EYS: variants seen among roughly 807,000 people sequenced by gnomAD.
EYS encodes the protein protein eyes shut homolog.
In EYS, 250 loss-of-function variants were observed where a neutral mutation model predicts 282.1. That is an observed-to-expected ratio of 0.89 (90% CI 0.80 to 0.98). The LOEUF (loss-of-function observed/expected upper bound fraction) is 0.98, where lower values mean the gene tolerates loss of function less well. EYS is among the 50% of genes least tolerant of loss of function. The pLI is 0.00. For missense variants in EYS, 4,016 were observed against 3,709.0 expected (o/e 1.08, Z -2.15); for synonymous variants, 1,355 against 1,282.9 (o/e 1.06, Z -1.20).
intron 22 of EYS, among the ~76,000 whole-genome samples, chr6:64,653,153 T>C (rs2149879888): frequency 6.6e-6 from 1 of 152,152 alleles, no homozygotes; most frequent in East Asian, 1.9e-4. Flanking sequence ...AAGGGAAGAC[T>C]ATCTGGACAC....
Position 64,066,481 on chromosome 6 carries a change from A to G in EYS, c.6582T>C (p.Asn2194=), listed in dbSNP as rs765847813. 1.3e-6 allele frequency: 2 copies of G among 1,535,488 alleles called. No individual in the cohort carries two copies. ...AATGAAGAAACTGCTTTCCACAATTATTCCCATTACCTTTAAGAAAAAAAG... is the reference window on the plus strand; with the variant it reads ...AATGAAGAAACTGCTTTCCACAATTGTTCCCATTACCTTTAAGAAAAAAAG... The part of the protein sequence containing the change: ...LNGTILYSNG[N]NCGKQFLHLF... The change falls in exon 33 of 43, where the codon AAT becomes AAC. Residue 2194 remains asparagine, a synonymous_variant. Coordinates refer to ENST00000503581, the MANE Select transcript of EYS (RefSeq NM_001142800.2).
At chr6:65,647,186 A>G (rs1366673811) in intron 1 of EYS, among the ~76,000 whole-genome samples, 2 of 152,200 alleles carry the variant, frequency 1.3e-5, no homozygotes, top group Admixed American at 6.5e-5. Flanking sequence ...ATACGGAACT[A>G]AAACAGAGGC....
chr6:65,435,274 T>C (rs1218463933), intron 5 of EYS, among the ~76,000 whole-genome samples: 4 of 152,008 alleles, frequency 2.6e-5, no homozygotes, highest in Non-Finnish European at 5.9e-5. Flanking sequence ...TTATTTATGA[T>C]GATAAAGCCT....
chr6:65,635,044 T>G (rs1767039401), intron 2 of EYS, among the ~76,000 whole-genome samples: 1 of 152,226 alleles, frequency 6.6e-6, no homozygotes. Context: ...ACTGATCTAG[T>G]TTCAGGACTA....
intron 35 of EYS, among the ~76,000 whole-genome samples, chr6:63,969,064 C>A (rs554000651): frequency 1.3e-5 from 2 of 152,166 alleles, no homozygotes; most frequent in African/African-American, 4.8e-5. Flanking sequence ...TGTTGTTTTT[C>A]TGAGTGTTTT....
rs140879689 is a variant in EYS at position 65,371,708 on chromosome 6, CCTCT to C, written c.1299+12674_1299+12677del. ...CTTCAAATTCCTCTCTCTCTCTCTC[CCTCT>C]CTCTCTCTCTCTCTCTCTCTCTCTC... On this transcript the variant is annotated intron_variant, in intron 8 of 42. Coordinates refer to ENST00000503581, the MANE Select transcript of EYS (RefSeq NM_001142800.2). Among the ~76,000 whole-genome samples the C allele has an allele frequency of 4.8e-3, 567 of 119,060 alleles. 5 individuals are homozygous for C. The highest frequency in any genetic ancestry group is 0.011 in the African/African-American group (325 of 28,402). The allele number at this position is 119,060 out of a possible 152,430, so 78.1% of individuals were successfully genotyped here.
intron 33 of EYS, among the ~76,000 whole-genome samples, chr6:64,018,373 G>A (rs970425716): frequency 5.9e-5 from 9 of 152,078 alleles, no homozygotes; most frequent in African/African-American, 1.9e-4. Context: ...TTTTGTTGTT[G>A]TTGTTGTTTG....
chr6:65,423,947 C>G (rs1414768200), intron 5 of EYS, among the ~76,000 whole-genome samples: 2 of 151,844 alleles, frequency 1.3e-5, no homozygotes, highest in Non-Finnish European at 2.9e-5. Context: ...CTTTTCAATT[C>G]CTTTCAGTTG....
intron 31 of EYS, among the ~76,000 whole-genome samples, chr6:64,146,958 G>A (rs1774538952): frequency 6.6e-6 from 1 of 152,166 alleles, no homozygotes; most frequent in South Asian, 2.1e-4. Context: ...TCAGTTGCCT[G>A]AGATTGCATG....
intron 22 of EYS, among the ~76,000 whole-genome samples, chr6:64,712,405 A>G (rs1471769297): frequency 6.6e-6 from 1 of 152,184 alleles, no homozygotes; most frequent in Non-Finnish European, 1.5e-5. Flanking sequence ...TGTGAAAATG[A>G]TTTGATTGTG....
rs539655593 is a variant in EYS, at chr6:64,412,154, A to G, written c.5928-23314T>C. Among the ~76,000 whole-genome samples the G allele has an allele frequency of 5.9e-5, 9 of 152,026 alleles. No homozygotes were observed. In the East Asian group the frequency reaches 1.5e-3, roughly 26 times the overall value. On this transcript the variant is annotated intron_variant, in intron 28 of 42. Coordinates refer to ENST00000503581, the MANE Select transcript of EYS (RefSeq NM_001142800.2). ...CCAATAAAATGTAATTAAAATCTAT[A>G]TATCAAAATTTTGCCTATACACAGA... is the stretch of plus-strand genomic sequence containing the variant.
chr6:64,873,722 G>A (rs1766662456), intron 19 of EYS, among the ~76,000 whole-genome samples: 1 of 151,776 alleles, frequency 6.6e-6, no homozygotes, highest in Admixed American at 6.6e-5. Context: ...CAGTTAGTGG[G>A]GAGATGGATA....
At chr6:64,295,284 T>C (rs534305848) in intron 30 of EYS, among the ~76,000 whole-genome samples, 36 of 133,072 alleles carry the variant, frequency 2.7e-4, no homozygotes, top group Non-Finnish European at 5.3e-4. Context: ...TATACATATG[T>C]AACAAACCTG....
chr6:64,782,006 C>T (rs969786381), intron 22 of EYS, among the ~76,000 whole-genome samples: 43 of 152,114 alleles, frequency 2.8e-4, no homozygotes, highest in Admixed American at 1.4e-3. Flanking sequence ...TGCCATTTAA[C>T]TTCTTTGGGC....
At chr6:64,834,389 GA>G (rs1340745398) in intron 19 of EYS, among the ~76,000 whole-genome samples, 23 of 151,644 alleles carry the variant, frequency 1.5e-4, no homozygotes, top group Non-Finnish European at 2.7e-4. Context: ...AGAGCTGCAT[GA>G]AAAAATGGAA....
At chr6:64,545,753 A>G (rs1764838903) in intron 26 of EYS, among the ~76,000 whole-genome samples, 1 of 152,220 alleles carries the variant, frequency 6.6e-6, no homozygotes, top group South Asian at 2.1e-4. Flanking sequence ...CCAAATCATG[A>G]GTGAACTCCC....
At chr6:63,868,953 C>T (rs776867269) in intron 35 of EYS, among the ~76,000 whole-genome samples, 7 of 152,150 alleles carry the variant, frequency 4.6e-5, no homozygotes, top group Non-Finnish European at 7.4e-5. Context: ...CACACCACTA[C>T]GTGTGTCATT....
chr6:64,285,114 A>T (rs1323565245), intron 30 of EYS, among the ~76,000 whole-genome samples: 2 of 152,130 alleles, frequency 1.3e-5, no homozygotes, highest in Non-Finnish European at 2.9e-5. Flanking sequence ...TCATGGTGCA[A>T]AGTTTGTGAA....
intron 26 of EYS, among the ~76,000 whole-genome samples, chr6:64,525,773 T>G (rs890035957): frequency 5.3e-5 from 8 of 151,860 alleles, no homozygotes; most frequent in African/African-American, 1.7e-4. Context: ...CTGGTAGGCA[T>G]GTAAACAGGT....
Sources: allele counts gnomAD v4.1 joint callset (sites outside exome capture counted in the v4.1 genomes callset), GRCh38; gene constraint gnomAD v4.1.1; transcripts MANE v1.5; gene names NCBI Gene and HGNC (gene_info 2026-07-23, HGNC 2026-07-21).